Variants in ITCH observed in about 807,000 individuals in gnomAD.
ITCH encodes E3 ubiquitin-protein ligase Itchy homolog.
ITCH carries 28 observed loss-of-function variants against 126.8 expected under a neutral mutation model. The observed-to-expected ratio is 0.22, with a 90% CI of 0.16 to 0.30. ITCH has a LOEUF of 0.30. ITCH is among the 10% of genes least tolerant of loss of function. ITCH has a pLI of 1.00. For missense variants in ITCH, 631 were observed against 1,032.4 expected, an observed-to-expected ratio of 0.61 and a Z score of 5.33; for synonymous variants, 342 against 340.0, an observed-to-expected ratio of 1.01 and a Z score of -0.06.
chr20:34,447,535 G>C (rs576840699), intron 11 of ITCH, among the ~76,000 whole-genome samples: 1 of 152,294 alleles, frequency 6.6e-6, no homozygotes, highest in East Asian at 1.9e-4. Flanking sequence ...ATGGTTGACA[G>C]TAAAACACTG....
intron 2 of ITCH, among the ~76,000 whole-genome samples, chr20:34,375,957 G>A (rs2037828595): frequency 6.6e-6 from 1 of 151,848 alleles, no homozygotes; most frequent in African/African-American, 2.4e-5. Flanking sequence ...ATTGACCTTG[G>A]GGAGAGTGCA....
chr20:34,483,247 T>G (rs965785125), intron 20 of ITCH, among the ~76,000 whole-genome samples: 2 of 152,244 alleles, frequency 1.3e-5, no homozygotes, highest in Non-Finnish European at 2.9e-5. Flanking sequence ...TCCTCATTAC[T>G]TATGCAAATT....
intron 2 of ITCH, among the ~76,000 whole-genome samples, chr20:34,377,442 C>T (rs1189877947): frequency 2.0e-5 from 3 of 152,002 alleles, no homozygotes; most frequent in Non-Finnish European, 4.4e-5. Flanking sequence ...TTGGTTATCT[C>T]GGTTAACCTC....
chr20:34,492,010 G>A (rs531894756), intron 22 of ITCH, among the ~76,000 whole-genome samples: 2 of 152,274 alleles, frequency 1.3e-5, no homozygotes, highest in East Asian at 3.9e-4. Flanking sequence ...GGGTGGTGGT[G>A]GGATGGGGAG....
At chr20:34,383,763 A>G (rs1204395491) in intron 2 of ITCH, among the ~76,000 whole-genome samples, 1 of 151,470 alleles carries the variant, frequency 6.6e-6, no homozygotes, top group Non-Finnish European at 1.5e-5. Flanking sequence ...TCCTAGGCTC[A>G]AGAGATCCTC....
rs532322331 is a variant in ITCH, at chr20:34,412,546, C to G, written c.244C>G (p.Arg82Gly). ...TACCCCTGTGAGTAAATTACATTTT[C>G]GTGTGTGGAGTCACCAGACACTGAA... ...IVTPVSKLHF[R>G]VWSHQTLKSD... The change falls in exon 5 of 25, where the codon CGT becomes GGT. Residue 82 changes from arginine (R) to glycine (G), a missense_variant. Transcript: ENST00000374864. 2.5e-6 allele frequency: 4 copies of G among 1,600,932 alleles called. No homozygotes were observed. The African/African-American group carries it at 5.4e-5, about 21-fold the overall frequency.
intron 7 of ITCH, among the ~76,000 whole-genome samples, chr20:34,424,943 G>A (rs1265196118): frequency 1.3e-5 from 2 of 152,290 alleles, no homozygotes; most frequent in East Asian, 3.9e-4. Flanking sequence ...GCTGTTTGCT[G>A]TTAGCCCAGG....
At chr20:34,397,080 G>A (rs1399650975) in intron 3 of ITCH, among the ~76,000 whole-genome samples, 3 of 152,026 alleles carry the variant, frequency 2.0e-5, no homozygotes, top group African/African-American at 7.3e-5. Context: ...CTGGAGTGCA[G>A]TGGTGCAATC....
chr20:34,458,651 A>C (rs2146361064), intron 13 of ITCH, among the ~76,000 whole-genome samples: 1 of 152,318 alleles, frequency 6.6e-6, no homozygotes, highest in South Asian at 2.1e-4. Flanking sequence ...AGATACTAGG[A>C]AGAGATCTGT....
chr20:34,386,738 G>A (rs1269163115), intron 2 of ITCH, among the ~76,000 whole-genome samples: 6 of 152,022 alleles, frequency 3.9e-5, no homozygotes, highest in Non-Finnish European at 7.4e-5. Context: ...AATAAACCAA[G>A]CAAATTTCAC....
chr20:34,391,081 A>C (rs563243220), intron 2 of ITCH, among the ~76,000 whole-genome samples: 44 of 152,334 alleles, frequency 2.9e-4, no homozygotes, highest in Non-Finnish European at 4.7e-4. Flanking sequence ...CCATGTATGC[A>C]GTTGTAAATA....
intron 15 of ITCH, among the ~76,000 whole-genome samples, chr20:34,470,694 G>A (rs1987537809): frequency 6.6e-6 from 1 of 152,144 alleles, no homozygotes; most frequent in Non-Finnish European, 1.5e-5. Flanking sequence ...CTGGGCTCAA[G>A]TGATCCTCTT....
At chr20:34,402,885 A>G (rs1441618528) in intron 3 of ITCH, among the ~76,000 whole-genome samples, 1 of 152,234 alleles carries the variant, frequency 6.6e-6, no homozygotes, top group Non-Finnish European at 1.5e-5. Context: ...AAATTAAGAA[A>G]GAGATGTCAT....
chr20:34,364,611 T>G (rs979061253), intron 1 of ITCH, among the ~76,000 whole-genome samples: 28 of 151,308 alleles, frequency 1.9e-4, no homozygotes, highest in African/African-American at 6.8e-4. Flanking sequence ...GTGCTGTGTG[T>G]GGCTCACGCC....
chr20:34,439,173 G>T (rs1983418235), intron 8 of ITCH, among the ~76,000 whole-genome samples: 1 of 152,160 alleles, frequency 6.6e-6, no homozygotes. Context: ...TAATATGTGG[G>T]CAGGGAATGC....
chr20:34,388,110 T>A (rs560574910), intron 2 of ITCH, among the ~76,000 whole-genome samples: 1 of 152,120 alleles, frequency 6.6e-6, no homozygotes, highest in South Asian at 2.1e-4. Flanking sequence ...CTTTTTTTTT[T>A]TTTTTGAGAC....
chr20:34,471,626 G>A, intron 16 of ITCH, 111 bp downstream of exon 16: 1 of 736,886 alleles, frequency 1.4e-6, no homozygotes, highest in South Asian at 1.5e-5. Flanking sequence ...TGAAGTCCTT[G>A]AATTTTTCAA....
At chr20:34,441,036 C>T (rs963203537) in intron 9 of ITCH, among the ~76,000 whole-genome samples, 9 of 151,826 alleles carry the variant, frequency 5.9e-5, no homozygotes, top group African/African-American at 2.2e-4. Context: ...TTTGGGAGGC[C>T]GAGGCGGGCT....
rs1019659508 is a variant in ITCH at position 34,482,099 on chromosome 20, C to T, written c.2093+893C>T. Among the ~76,000 whole-genome samples the T allele has an allele frequency of 6.6e-5, 10 of 152,192 alleles. No individual in the cohort carries two copies. The East Asian group carries it at 7.7e-4, about 12-fold the overall frequency. Reference sequence around the variant, plus strand: ...AAACAGCAGGGGAAAGACCCACCCCCGTGATCCCATGATTCAGTTATCTCA... The same window carrying T: ...AAACAGCAGGGGAAAGACCCACCCCTGTGATCCCATGATTCAGTTATCTCA... On this transcript the variant is annotated intron_variant, in intron 20 of 24. Coordinates refer to ENST00000374864, the MANE Select transcript of ITCH (RefSeq NM_031483.7).
Sources: gnomAD v4.1 joint callset for allele counts (sites outside exome capture counted in the v4.1 genomes callset) on GRCh38, gnomAD v4.1.1 for gene constraint, MANE v1.5 for transcripts, NCBI Gene and HGNC (gene_info 2026-07-23, HGNC 2026-07-21) for gene names.